The following MPDZ variants were observed in gnomAD, a reference collection of about 807,000 sequenced individuals.
The protein encoded by MPDZ is multiple PDZ domain crumbs cell polarity complex component.
A neutral mutation model predicts 239.1 loss-of-function variants in MPDZ; 234 were observed. The ratio of observed to expected loss-of-function variants is 0.98; its 90% CI spans 0.88 to 1.09. MPDZ has a LOEUF of 1.09. Ranked by LOEUF, MPDZ falls within the 50% of genes least tolerant of loss-of-function variation. MPDZ has a pLI of 0.00. For synonymous variants in MPDZ, 1,048 were observed against 881.3 expected, an observed-to-expected ratio of 1.19 and a Z score of -3.35; for missense variants, 3,175 against 2,510.0, an observed-to-expected ratio of 1.26 and a Z score of -5.66.
Position 13,164,567 on chromosome 9 carries a change from G to A in MPDZ, c.3255-1772C>T, listed in dbSNP as rs146721676. On this transcript the variant is annotated intron_variant, in intron 22 of 46. Transcript: ENST00000319217. ...TAGCAAAAATAATAGCAATCAGTACGAAGTCTTTAATTTTTTATTGGTTTG... is the reference window on the plus strand; with the variant it reads ...TAGCAAAAATAATAGCAATCAGTACAAAGTCTTTAATTTTTTATTGGTTTG... Among the ~76,000 whole-genome samples, 384 of 152,192 alleles carry A rather than the reference G, an allele frequency of 2.5e-3. 1 individual carries two copies. Among genetic ancestry groups the A allele is most frequent in the African/African-American group, 8.5e-3 (355 of 41,554 alleles).
chr9:13,138,690 C>T (rs1020242178), intron 28 of MPDZ, among the ~76,000 whole-genome samples: 5 of 152,186 alleles, frequency 3.3e-5, no homozygotes, highest in East Asian at 1.9e-4. Flanking sequence ...TTGGGACACA[C>T]GTCCTAATGA....
chr9:13,173,494 G>A (rs1952050490), intron 21 of MPDZ, among the ~76,000 whole-genome samples: 1 of 151,894 alleles, frequency 6.6e-6, no homozygotes. Context: ...CCTGAGCTCA[G>A]GAGTTCAAGA....
chr9:13,251,837 TAAC>T (rs1320698627), intron 1 of MPDZ, among the ~76,000 whole-genome samples: 2 of 152,196 alleles, frequency 1.3e-5, no homozygotes, highest in African/African-American at 4.8e-5. Flanking sequence ...TTAAATTGTT[TAAC>T]TACTGGCACT....
At chr9:13,185,611 G>A (rs1026041269) in intron 18 of MPDZ, among the ~76,000 whole-genome samples, 1 of 152,016 alleles carries the variant, frequency 6.6e-6, no homozygotes, top group Admixed American at 6.6e-5. Context: ...TTCATGCCTG[G>A]TATTTAGTTT....
chr9:13,234,227 AAT>A (rs1564094740), intron 3 of MPDZ, among the ~76,000 whole-genome samples: 1 of 152,240 alleles, frequency 6.6e-6, no homozygotes, highest in East Asian at 1.9e-4. Context: ...ACCATATAAC[AAT>A]ATGATAATGC....
rs538664390 is a variant in MPDZ at position 13,195,380 on chromosome 9, A to G, written c.1656+741T>C. Among the ~76,000 whole-genome samples the G allele has an allele frequency of 5.3e-5, 8 of 152,296 alleles. 1 individual carries two copies. The South Asian group carries it at 1.5e-3, about 28-fold the overall frequency. On this transcript the variant is annotated intron_variant, in intron 13 of 46. Transcript: ENST00000319217. ...TACTGCTTGGCACAAAGTATGCTAT[A>G]AACGCTAGTTATTAATATATGTCAT...
intron 27 of MPDZ, 77 bp from the exon 28 acceptor site, chr9:13,140,226 C>T: frequency 7.0e-7 from 1 of 1,428,150 alleles, no homozygotes; most frequent in Non-Finnish European, 9.5e-7. Context: ...TAAGAGTATA[C>T]TGTCAAAAAC....
chr9:13,274,862 G>A (rs968976415), intron 1 of MPDZ, among the ~76,000 whole-genome samples: 5 of 151,702 alleles, frequency 3.3e-5, no homozygotes, highest in South Asian at 4.2e-4. Context: ...CAAATTTAGC[G>A]CTTTACTATT....
At chr9:13,165,210 A>C (rs957423770) in intron 22 of MPDZ, among the ~76,000 whole-genome samples, 1 of 152,182 alleles carries the variant, frequency 6.6e-6, no homozygotes, top group African/African-American at 2.4e-5. Context: ...GTTGGATTTT[A>C]TGTTCTTACT....
chr9:13,160,328 CT>C (rs1442178099), intron 23 of MPDZ, among the ~76,000 whole-genome samples: 3 of 152,132 alleles, frequency 2.0e-5, no homozygotes, highest in African/African-American at 7.2e-5. Context: ...TCCATGTGTT[CT>C]ATTTTAAGCA....
chr9:13,230,355 C>T (rs1044636286), intron 3 of MPDZ, among the ~76,000 whole-genome samples: 2 of 152,088 alleles, frequency 1.3e-5, no homozygotes, highest in Non-Finnish European at 2.9e-5. Flanking sequence ...CATACACAAT[C>T]GCTCACAGCA....
intron 12 of MPDZ, among the ~76,000 whole-genome samples, chr9:13,198,737 CTGTGTGTGTGTG>C (rs1554691393): frequency 7.2e-5 from 5 of 69,752 alleles, no homozygotes; most frequent in African/African-American, 1.1e-4. Context: ...ATCTCTCTCT[CTGTGTGTGTGTG>C]TGTGTGTGTG....
intron 24 of MPDZ, among the ~76,000 whole-genome samples, chr9:13,156,218 C>CAGAG (rs1376173446): frequency 6.6e-6 from 1 of 152,132 alleles, no homozygotes; most frequent in Non-Finnish European, 1.5e-5. Context: ...GATAAAGTAG[C>CAGAG]AGAGACCTAG....
rs1373348483 is a variant in MPDZ, at chr9:13,140,114, A to C, written c.3876T>G (p.Ala1292=). 6.2e-7 allele frequency: 1 copy of C among 1,613,428 alleles called. No individual in the cohort carries two copies. The highest frequency in any genetic ancestry group is 1.7e-5 in the Admixed American group (1 of 59,956). ...GGGGTGGGGGCACACTGCACAATGG[A>C]GCCTTCTCTGGCTCTGACTCTGACT... ...PSQSESEPEK[A]PLCSVPPPPP... The change falls in exon 28 of 47, where the codon GCT becomes GCG. Residue 1292 remains alanine (A), a synonymous_variant. Coordinates refer to ENST00000319217, the MANE Select transcript of MPDZ (RefSeq NM_001378778.1).
chr9:13,165,524 GTT>G (rs36052567), intron 22 of MPDZ: 9 of 1,287,274 alleles, frequency 7.0e-6, no homozygotes, highest in Non-Finnish European at 9.5e-6. Flanking sequence ...GCTCCTGGTT[GTT>G]TTTTTTCCCC....
chr9:13,193,153 G>A lies in MPDZ; in HGVS notation c.1803+14C>T, dbSNP rs202010521. On this transcript the variant is annotated intron_variant, in intron 14 of 46. Transcript: ENST00000319217. ...TCTTATTTAAGGAGGAGAAGGAACA[G>A]CATAGCTCCTTACTTCCAATAGCTC... 1.9e-6 allele frequency: 3 copies of A among 1,551,108 alleles called. No individual in the cohort carries two copies. The highest frequency in any genetic ancestry group is 8.8e-7 in the Non-Finnish European group (1 of 1,142,804).
chr9:13,197,115 A>G (rs1489112087), intron 12 of MPDZ, among the ~76,000 whole-genome samples: 1 of 151,718 alleles, frequency 6.6e-6, no homozygotes, highest in Middle Eastern at 3.2e-3. Flanking sequence ...CTTTAAGCTA[A>G]TAAGATGATT....
chr9:13,279,205 G>C (rs1373665356), intron 1 of MPDZ, 195 bp downstream of exon 1: 14 of 143,904 alleles, frequency 9.7e-5, no homozygotes, highest in African/African-American at 3.6e-4. Flanking sequence ...CGCGCGGGGT[G>C]GGGCAAGCGC....
intron 4 of MPDZ, among the ~76,000 whole-genome samples, chr9:13,223,957 C>T (rs758075377): frequency 6.6e-6 from 1 of 151,770 alleles, no homozygotes; most frequent in Admixed American, 6.6e-5. Flanking sequence ...TCCCTTGAGC[C>T]CAGGAATTTG....
Sources: allele counts gnomAD v4.1 joint callset (sites outside exome capture counted in the v4.1 genomes callset), GRCh38; gene constraint gnomAD v4.1.1; transcripts MANE v1.5; gene names NCBI Gene and HGNC (gene_info 2026-07-23, HGNC 2026-07-21).